Variants in DOCK4 observed in about 807,000 individuals in gnomAD.
The protein encoded by DOCK4 is dedicator of cytokinesis 4.
A neutral mutation model predicts 268.1 loss-of-function variants in DOCK4; 97 were observed. The ratio of observed to expected loss-of-function variants is 0.36; its 90% confidence interval spans 0.31 to 0.43. The LOEUF is 0.43. Among genes scored for constraint, DOCK4 ranks in the 20% least tolerant of loss-of-function variants. The pLI, the probability that DOCK4 is intolerant of heterozygous loss-of-function variation, is 1.00. For synonymous variants in DOCK4, 954 were observed against 887.2 expected (o/e 1.08, Z -1.34); for missense variants, 2,145 against 2,455.7 (o/e 0.87, Z 2.67).
At chr7:111,793,290 C>T (rs1025169944) in intron 30 of DOCK4, among the ~76,000 whole-genome samples, 8 of 152,170 alleles carry the variant, frequency 5.3e-5, no homozygotes, top group African/African-American at 1.9e-4. Flanking sequence ...GAAAAACTTC[C>T]CCACAGTCTA....
intron 7 of DOCK4, among the ~76,000 whole-genome samples, chr7:111,981,406 A>T (rs1420472953): frequency 6.6e-6 from 1 of 152,220 alleles, no homozygotes; most frequent in Admixed American, 6.5e-5. Context: ...AAACTGCCTT[A>T]TGGAAGCTGG....
At chr7:111,995,681 T>C (rs1441087498) in intron 4 of DOCK4, among the ~76,000 whole-genome samples, 1 of 152,208 alleles carries the variant, frequency 6.6e-6, no homozygotes, top group Non-Finnish European at 1.5e-5. Flanking sequence ...GTGATTCCTT[T>C]TTCATGTTAT....
intron 8 of DOCK4, chr7:111,971,444 A>C (rs1055713205): frequency 4.3e-6 from 1 of 232,208 alleles, no homozygotes; most frequent in African/African-American, 2.3e-5. Context: ...TGGACTAGAC[A>C]TTCTAGTCTT....
At chr7:112,004,227 G>T in intron 1 of DOCK4, 96 bp from the exon 2 acceptor site, 2 of 908,292 alleles carry the variant, frequency 2.2e-6, no homozygotes, top group East Asian at 3.0e-5. Flanking sequence ...TAAATAGGAA[G>T]TATAATTTGA....
At chr7:111,867,064 G>A (rs1023413119) in intron 22 of DOCK4, among the ~76,000 whole-genome samples, 2 of 152,168 alleles carry the variant, frequency 1.3e-5, no homozygotes, top group African/African-American at 4.8e-5. Flanking sequence ...TTGCCCAGAT[G>A]GAAGATGAGT....
chr7:111,991,314 T>C (rs1257509212), intron 5 of DOCK4, among the ~76,000 whole-genome samples: 1 of 152,222 alleles, frequency 6.6e-6, no homozygotes. Context: ...CCTACTCTAC[T>C]AGTGTAAGAA....
At chr7:112,184,261 T>C (rs1386607011) in intron 1 of DOCK4, among the ~76,000 whole-genome samples, 1 of 152,150 alleles carries the variant, frequency 6.6e-6, no homozygotes, top group African/African-American at 2.4e-5. Context: ...AACTCATACA[T>C]CAGTGAAAAC....
intron 1 of DOCK4, among the ~76,000 whole-genome samples, chr7:112,050,118 G>C (rs1805213240): frequency 6.6e-6 from 1 of 152,128 alleles, no homozygotes; most frequent in South Asian, 2.1e-4. Context: ...CCTTTTATTT[G>C]TCACTGTGTC....
chr7:111,958,125 A>G (rs1250292173), intron 8 of DOCK4, among the ~76,000 whole-genome samples: 3 of 152,164 alleles, frequency 2.0e-5, no homozygotes, highest in Non-Finnish European at 4.4e-5. Context: ...TTAAGATAAT[A>G]ATAGCATGAT....
At chr7:111,803,611 TAGAA>T (rs1472845891) in intron 30 of DOCK4, among the ~76,000 whole-genome samples, 2 of 152,100 alleles carry the variant, frequency 1.3e-5, no homozygotes, top group Admixed American at 6.5e-5. Context: ...CATCTAAAAA[TAGAA>T]AGAAAAACTT....
intron 15 of DOCK4, among the ~76,000 whole-genome samples, chr7:111,896,955 A>G (rs1008832247): frequency 6.6e-6 from 1 of 152,194 alleles, no homozygotes; most frequent in Non-Finnish European, 1.5e-5. Flanking sequence ...CAAAAATCAC[A>G]CCAAAGATCT....
intron 1 of DOCK4, among the ~76,000 whole-genome samples, chr7:112,028,022 C>T (rs1393808357): frequency 6.6e-6 from 1 of 152,080 alleles, no homozygotes; most frequent in African/African-American, 2.4e-5. Flanking sequence ...GGGAGAGAGA[C>T]AATAAAGCCT....
intron 1 of DOCK4, among the ~76,000 whole-genome samples, chr7:112,115,273 A>C (rs148920140): frequency 6.6e-6 from 1 of 152,336 alleles, no homozygotes; most frequent in East Asian, 1.9e-4. Flanking sequence ...CTTTTACTTA[A>C]TTTGAATAGG....
intron 49 of DOCK4, 66 bp from the exon 50 acceptor site, chr7:111,737,055 G>A: frequency 7.2e-7 from 1 of 1,397,504 alleles, no homozygotes. Context: ...TTCAGAAAAT[G>A]AGACGATTAT....
At chr7:112,086,068 T>C (rs1281169206) in intron 1 of DOCK4, among the ~76,000 whole-genome samples, 2 of 152,140 alleles carry the variant, frequency 1.3e-5, no homozygotes, top group Non-Finnish European at 2.9e-5. Context: ...CTGGAGTATT[T>C]TGAGGTAATA....
chr7:111,823,351 C>T (rs768897469), intron 26 of DOCK4, among the ~76,000 whole-genome samples: 4 of 151,694 alleles, frequency 2.6e-5, no homozygotes, highest in Admixed American at 6.6e-5. Flanking sequence ...AGACCACAGG[C>T]GCCTGCCACC....
intron 1 of DOCK4, among the ~76,000 whole-genome samples, chr7:112,012,257 C>T (rs976427495): frequency 1.3e-5 from 2 of 151,476 alleles, no homozygotes; most frequent in African/African-American, 4.9e-5. Context: ...TCTTGGAAAT[C>T]GTTATTAAGT....
At chr7:111,732,322 GA>G (rs1352876406) in intron 51 of DOCK4, 35 bp from the exon 52 acceptor site, 1 of 1,608,488 alleles carries the variant, frequency 6.2e-7, no homozygotes, top group Non-Finnish European at 8.5e-7. Flanking sequence ...TTTCAATTAA[GA>G]AAAACCAGAC....
At chr7:111,901,565 G>T (rs17158975) in intron 14 of DOCK4, 112 bp downstream of exon 14, 3 of 1,080,418 alleles carry the variant, frequency 2.8e-6, no homozygotes, top group Non-Finnish European at 3.8e-6. Flanking sequence ...AGAAAATAAC[G>T]CAAATCAGAA....
Sources: gnomAD v4.1 joint callset for allele counts (sites outside exome capture counted in the v4.1 genomes callset) on GRCh38, gnomAD v4.1.1 for gene constraint, MANE v1.5 for transcripts, NCBI Gene and HGNC (gene_info 2026-07-23, HGNC 2026-07-21) for gene names.